The following NAA30 variants were observed in gnomAD, a reference collection of about 807,000 sequenced individuals.
NAA30 encodes the protein N-alpha-acetyltransferase 30, NatC catalytic subunit.
NAA30 carries 5 observed loss-of-function variants against 31.4 expected under a neutral mutation model. The observed-to-expected ratio is 0.16, with a 90% CI of 0.08 to 0.33. NAA30 has a LOEUF of 0.33. Among genes scored for constraint, NAA30 ranks in the 10% least tolerant of loss-of-function variants. NAA30 has a pLI of 1.00. For missense variants in NAA30, 428 were observed against 490.8 expected (o/e 0.87, Z 1.21); for synonymous variants, 222 against 207.1 (o/e 1.07, Z -0.62).
intron 4 of NAA30, among the ~76,000 whole-genome samples, chr14:57,403,293 A>C (rs544262320): frequency 1.3e-5 from 2 of 150,710 alleles, no homozygotes; most frequent in Non-Finnish European, 2.9e-5. Flanking sequence ...GTGCACATCA[A>C]ACAATTTTTA....
intron 2 of NAA30, among the ~76,000 whole-genome samples, chr14:57,392,444 A>G (rs746816274): frequency 6.6e-6 from 1 of 152,026 alleles, no homozygotes; most frequent in Admixed American, 6.5e-5. Flanking sequence ...CTGGTTGTAG[A>G]TGTGGCCAAA....
intron 2 of NAA30, among the ~76,000 whole-genome samples, chr14:57,395,904 G>T (rs1273684920): frequency 6.6e-6 from 1 of 151,798 alleles, no homozygotes; most frequent in Non-Finnish European, 1.5e-5. Context: ...TTTCCTGATC[G>T]AAATCTACCA....
intron 4 of NAA30, among the ~76,000 whole-genome samples, chr14:57,408,603 A>T (rs2066509842): frequency 6.6e-6 from 1 of 152,210 alleles, no homozygotes; most frequent in South Asian, 2.1e-4. Flanking sequence ...AAACGTACTC[A>T]TAAACTCTGA....
In NAA30 at chr14:57,391,144, A is replaced by C; in HGVS notation, c.187A>C (p.Thr63Pro). ...GAGCCCGGCGGGCGGAGAGTCGGCG[A>C]CGGTGGCGGCCAAGGGGCATCCGTG... ...SRSPAGGESA[T>P]VAAKGHPCLR... The change falls in exon 2 of 5, where the codon ACG becomes CCG. Residue 63 changes from threonine (T) to proline (P), a missense_variant. By Grantham distance (38) the Thr-to-Pro change is conservative (BLOSUM62 -1). This residue lies in a region of NAA30 where 349 missense variants were observed against 310.4 expected (regional missense o/e 1.12). Coordinates refer to ENST00000556492, the MANE Select transcript of NAA30 (RefSeq NM_001011713.3). This position sits in a 1 kb window ranked among gnomAD's most constrained non-coding sequence, Gnocchi z 4.1. The C allele has an allele frequency of 6.3e-7, 1 of 1,588,270 alleles. No individual in the cohort carries two copies. The highest frequency in any genetic ancestry group is 2.3e-5 in the East Asian group (1 of 44,252).
At chr14:57,400,311 C>A (rs572988062) in intron 4 of NAA30, among the ~76,000 whole-genome samples, 1 of 152,200 alleles carries the variant, frequency 6.6e-6, no homozygotes, top group Non-Finnish European at 1.5e-5. Flanking sequence ...AGGGGGAAGA[C>A]AACCACTTTT....
In NAA30 at chr14:57,414,354, CTTG is replaced by C. The variant is rs1383222897; in HGVS notation, c.*4841_*4843del. 6.6e-6 allele frequency: 1 copy of C among 152,194 alleles called. No individual in the cohort carries two copies. The highest frequency in any genetic ancestry group is 2.4e-5 in the African/African-American group (1 of 41,440). 9.4% of individuals were successfully genotyped at this position (152,194 alleles called of 1,614,324 possible). A position where few individuals can be genotyped will look rare whatever the true frequency, so the allele number is the denominator to read the frequency against. ...ACTTTCCACCCCACCAACCACTGCC[CTTG>C]TTATGTAGCCTTTCTGAGAAAAGCA... On this transcript the variant is annotated 3_prime_UTR_variant, in exon 5 of 5. Transcript: ENST00000556492.
chr14:57,402,077 T>C (rs1234117909), intron 4 of NAA30, among the ~76,000 whole-genome samples: 1 of 152,224 alleles, frequency 6.6e-6, no homozygotes, highest in African/African-American at 2.4e-5. Context: ...AAATTTTGCT[T>C]ATCTGTGTCC....
At chr14:57,393,569 T>C (rs1471742296) in intron 2 of NAA30, among the ~76,000 whole-genome samples, 1 of 152,210 alleles carries the variant, frequency 6.6e-6, no homozygotes, top group Non-Finnish European at 1.5e-5. Flanking sequence ...CGTAAATGTC[T>C]GTTTATTTTA....
chr14:57,403,036 C>T (rs1314424056), intron 4 of NAA30, among the ~76,000 whole-genome samples: 1 of 152,100 alleles, frequency 6.6e-6, no homozygotes, highest in Non-Finnish European at 1.5e-5. Flanking sequence ...CGAAAATTAG[C>T]TGGGCGTGGT....
intron 4 of NAA30, among the ~76,000 whole-genome samples, chr14:57,405,979 C>A (rs538758178): frequency 6.6e-6 from 1 of 151,946 alleles, no homozygotes; most frequent in South Asian, 2.1e-4. Context: ...TTCTTTAGGA[C>A]CAAAATAACT....
intron 4 of NAA30, among the ~76,000 whole-genome samples, chr14:57,408,490 C>CTA (rs2066509379): frequency 6.6e-6 from 1 of 152,288 alleles, no homozygotes; most frequent in East Asian, 1.9e-4. Context: ...TTAAGCTTTG[C>CTA]TATATAGACC....
At chr14:57,401,230 T>A (rs2066475765) in intron 4 of NAA30, among the ~76,000 whole-genome samples, 1 of 152,228 alleles carries the variant, frequency 6.6e-6, no homozygotes, top group South Asian at 2.1e-4. Context: ...CTGCTGAGCA[T>A]TCTCAGGCTC....
Position 57,391,587 on chromosome 14 carries a change from T to A in NAA30, c.630T>A (p.Asp210Glu). ...PSGREVEPGE[D>E]RTIRYVRYES... ...GCAGGGAGGTTGAGCCTGGGGAGGA[T>A]CGGACGATACGATATGTCCGATATG... The change falls in exon 2 of 5, where the codon GAT becomes GAA. Residue 210 changes from aspartate (D) to glutamate (E), a missense_variant. Transcript: ENST00000556492. This position sits in a 1 kb window ranked among gnomAD's most constrained non-coding sequence, Gnocchi z 4.1. The A allele has an allele frequency of 6.2e-7, 1 of 1,613,856 alleles. No individual in the cohort carries two copies. Among genetic ancestry groups the A allele is most frequent in the South Asian group, 1.1e-5 (1 of 91,054 alleles).
Position 57,391,030 on chromosome 14 carries a change from C to T in NAA30, c.73C>T (p.Pro25Ser). 1 of 1,499,782 alleles carries T rather than the reference C, an allele frequency of 6.7e-7. No homozygotes were observed. Among genetic ancestry groups the T allele is most frequent in the Non-Finnish European group, 8.8e-7 (1 of 1,132,520 alleles). 92.9% of individuals were successfully genotyped at this position (1,499,782 alleles called of 1,614,324 possible). A position where few individuals can be genotyped will look rare whatever the true frequency, so the allele number is the denominator to read the frequency against. ...ACCTCCGGCCCCGGCGGCGGTCGAG[C>T]CCCGCTGTCCCTTCCCGGCGGGGGC... ...PAPPAPAAVE[P>S]RCPFPAGAAL... is the part of the protein sequence containing the mutation. Residue 25 changes from proline to serine, a missense_variant, in exon 2 of 5, where the codon CCC becomes TCC. Around this residue, in one of 2 missense-constraint regions of NAA30, gnomAD observed 349 missense variants for 310.4 expected, o/e 1.12. Coordinates refer to ENST00000556492, the MANE Select transcript of NAA30 (RefSeq NM_001011713.3). This position sits in a 1 kb window ranked among gnomAD's most constrained non-coding sequence, Gnocchi z 4.1.
rs973276660 is a variant in NAA30, at chr14:57,415,316, C to T, written c.*5800C>T. On this transcript the variant is annotated 3_prime_UTR_variant, in exon 5 of 5. Transcript: ENST00000556492. Reference sequence around the variant, plus strand: ...GATTTGTATTCTAGGAAGTGTGTGCCGTCACTTGTTCATTTACAACTGCAA... The same window carrying T: ...GATTTGTATTCTAGGAAGTGTGTGCTGTCACTTGTTCATTTACAACTGCAA... The T allele has an allele frequency of 2.0e-5, 3 of 152,118 alleles. No individual in the cohort carries two copies. The highest frequency in any genetic ancestry group is 4.8e-5 in the African/African-American group (2 of 41,418). The allele number at this position is 152,118 out of a possible 1,614,324, so 9.4% of individuals were successfully genotyped here.
intron 4 of NAA30, among the ~76,000 whole-genome samples, chr14:57,401,714 T>C (rs2066478122): frequency 6.6e-6 from 1 of 152,262 alleles, no homozygotes; most frequent in Non-Finnish European, 1.5e-5. Flanking sequence ...TCCTACTTGC[T>C]ATCCTAAGTT....
Position 57,413,409 on chromosome 14 carries a change from C to G in NAA30, c.*3893C>G, listed in dbSNP as rs1473040922. ...ACTCGAAATACTTCATAAATTCACT[C>G]TAAGGTCTAAATAAGAACCAGAAGG... On this transcript the variant is annotated 3_prime_UTR_variant, in exon 5 of 5. Coordinates refer to ENST00000556492, the MANE Select transcript of NAA30 (RefSeq NM_001011713.3). 1 of 152,190 alleles carries G rather than the reference C, an allele frequency of 6.6e-6. No individual in the cohort carries two copies. The highest frequency in any genetic ancestry group is 1.5e-5 in the Non-Finnish European group (1 of 68,044). The allele number at this position is 152,190 out of a possible 1,614,324, so 9.4% of individuals were successfully genotyped here. A position where few individuals can be genotyped will look rare whatever the true frequency, so the allele number is the denominator to read the frequency against.
chr14:57,405,693 C>T (rs989290148), intron 4 of NAA30, among the ~76,000 whole-genome samples: 4 of 152,238 alleles, frequency 2.6e-5, no homozygotes, highest in East Asian at 3.9e-4. Context: ...CTTAAAGATA[C>T]GTTGTGAAGA....
chr14:57,395,216 T>G (rs896497436), intron 2 of NAA30, among the ~76,000 whole-genome samples: 1 of 152,172 alleles, frequency 6.6e-6, no homozygotes, highest in Non-Finnish European at 1.5e-5. Flanking sequence ...TAGCGTGGGT[T>G]GTTGAATTTC....
Sources: allele counts gnomAD v4.1 joint callset (sites outside exome capture counted in the v4.1 genomes callset), GRCh38; gene constraint gnomAD v4.1.1; regional missense constraint gnomAD v4.1.1; non-coding constraint Gnocchi (gnomAD v3.1); transcripts MANE v1.5; gene names NCBI Gene and HGNC (gene_info 2026-07-23, HGNC 2026-07-21).